The following ADCY3 variants were observed in gnomAD, a reference collection of about 807,000 sequenced individuals.
ADCY3 encodes adenylate cyclase 3.
Under a neutral mutation model 119.4 loss-of-function variants are expected in ADCY3, and 70 were observed. The observed-to-expected ratio is 0.59, with a 90% CI of 0.48 to 0.72. The LOEUF (loss-of-function observed/expected upper bound fraction) is 0.72. ADCY3 is among the 30% of genes least tolerant of loss of function. The pLI, the probability that ADCY3 is intolerant of heterozygous loss-of-function variation, is 0.00. For synonymous variants in ADCY3, 672 were observed against 621.4 expected (o/e 1.08, Z -1.21); for missense variants, 1,238 against 1,541.6 (o/e 0.80, Z 3.30).
chr2:24,830,044 C>CTTTTTTT (rs66894795), intron 13 of ADCY3, among the ~76,000 whole-genome samples: 1 of 132,736 alleles, frequency 7.5e-6, no homozygotes, highest in Non-Finnish European at 1.6e-5. Context: ...AGTGAATTAC[C>CTTTTTTT]TTTTTTTTTT....
chr2:24,858,533 T>C (rs1003366675), intron 3 of ADCY3, among the ~76,000 whole-genome samples: 1 of 152,144 alleles, frequency 6.6e-6, no homozygotes, highest in Admixed American at 6.5e-5. Context: ...AATAATCCAA[T>C]GAAAACACCA....
intron 2 of ADCY3, among the ~76,000 whole-genome samples, chr2:24,913,717 A>T (rs1664087724): frequency 6.6e-6 from 1 of 152,206 alleles, no homozygotes; most frequent in African/African-American, 2.4e-5. Context: ...AGCTCCCTCC[A>T]GCCCCTAGGA....
In ADCY3 at chr2:24,872,454, G is replaced by T; in HGVS notation, c.825+116C>A. 1 of 1,280,240 alleles carries T rather than the reference G, an allele frequency of 7.8e-7. No homozygotes were observed. The highest frequency in any genetic ancestry group is 1.1e-6 in the Non-Finnish European group (1 of 923,572). 79.3% of individuals were successfully genotyped at this position (1,280,240 alleles called of 1,614,324 possible). A position where few individuals can be genotyped will look rare whatever the true frequency, so the allele number is the denominator to read the frequency against. ...GTTCAGAAGCAAACACCTGAACAGG[G>T]TGGATGAACGCCAAGCCCCACGGAG... On this transcript the variant is annotated intron_variant, in intron 3 of 21. Transcript: ENST00000679454. This position sits in a 1 kb window ranked among gnomAD's most constrained non-coding sequence, Gnocchi z 4.4.
At chr2:24,869,676 T>A (rs749774809) in intron 3 of ADCY3, among the ~76,000 whole-genome samples, 1 of 152,116 alleles carries the variant, frequency 6.6e-6, no homozygotes, top group Non-Finnish European at 1.5e-5. Flanking sequence ...AAAGTGCTGA[T>A]ATTACAGGCA....
At position 24,919,080 on chromosome 2, in the gene ADCY3, G is replaced by T. The variant is rs1664810678; in HGVS notation, c.-93C>A. The T allele has an allele frequency of 7.5e-7, 1 of 1,325,954 alleles. No homozygotes were observed. Among genetic ancestry groups the T allele is most frequent in the East Asian group, 2.5e-5 (1 of 39,598 alleles). 82.1% of individuals were successfully genotyped at this position (1,325,954 alleles called of 1,614,324 possible). On this transcript the variant is annotated 5_prime_UTR_variant, in exon 2 of 22. Transcript: ENST00000679454. This position sits in a 1 kb window ranked among gnomAD's most constrained non-coding sequence, Gnocchi z 5.5. ...CCTCCTCTCAGGGCTCTCTGAGACC[G>T]GGGGAGGGCTGAGGGCCTCTTCTTG...
intron 6 of ADCY3, chr2:24,840,556 C>T (rs533274342): frequency 2.1e-5 from 10 of 468,666 alleles, no homozygotes; most frequent in Middle Eastern, 3.3e-4. Context: ...AAGCCGCCCC[C>T]TCGGAGAAGG....
intron 2 of ADCY3, among the ~76,000 whole-genome samples, chr2:24,901,714 G>A (rs76125319): frequency 0.061 from 9,283 of 151,252 alleles, 394 homozygotes; most frequent in Non-Finnish European, 0.092. Flanking sequence ...GGAGGTCAAG[G>A]TGGGAGGATC....
At chr2:24,837,516 A>G (rs1048946194) in intron 8 of ADCY3, among the ~76,000 whole-genome samples, 2 of 152,212 alleles carry the variant, frequency 1.3e-5, no homozygotes, top group African/African-American at 4.8e-5. Flanking sequence ...CAGCCTCACC[A>G]GAGTGGGCTT....
At chr2:24,846,901 T>A (rs931034746) in intron 3 of ADCY3, among the ~76,000 whole-genome samples, 2 of 152,196 alleles carry the variant, frequency 1.3e-5, no homozygotes, top group Non-Finnish European at 2.9e-5. Context: ...TTTTACAGGC[T>A]CATAGGCAGA....
At chr2:24,900,534 T>C (rs563856963) in intron 2 of ADCY3, among the ~76,000 whole-genome samples, 2 of 152,054 alleles carry the variant, frequency 1.3e-5, no homozygotes, top group African/African-American at 4.8e-5. Context: ...TGGACAAGGT[T>C]CTGTGAGCAG....
rs1664903152 is a variant in ADCY3 at position 24,919,903 on chromosome 2, A to C, written c.-418T>G. The C allele has an allele frequency of 6.7e-6, 1 of 150,084 alleles. No individual in the cohort carries two copies. Among genetic ancestry groups the C allele is most frequent in the African/African-American group, 2.4e-5 (1 of 41,076 alleles). 9.3% of individuals were successfully genotyped at this position (150,084 alleles called of 1,614,324 possible). Reference sequence around the variant, plus strand: ...TCCGCGGGCGCCCGGCCGCAGGGGGAAGGAGGAGGCGGCGACGAGGGCTGG... The same window carrying C: ...TCCGCGGGCGCCCGGCCGCAGGGGGCAGGAGGAGGCGGCGACGAGGGCTGG... On this transcript the variant is annotated 5_prime_UTR_variant, in exon 1 of 22. Transcript: ENST00000679454. The surrounding 1 kb of genome is among the most constrained non-coding windows in gnomAD (Gnocchi z 5.5).
At chr2:24,906,510 A>G (rs750445989) in intron 2 of ADCY3, among the ~76,000 whole-genome samples, 3 of 152,192 alleles carry the variant, frequency 2.0e-5, no homozygotes, top group Non-Finnish European at 4.4e-5. Flanking sequence ...AAAGGCACTG[A>G]AGGGTGAGGC....
Position 24,819,702 on chromosome 2 carries a change from G to T in ADCY3, c.*230C>A. 1 of 478,598 alleles carries T rather than the reference G, an allele frequency of 2.1e-6. No individual in the cohort carries two copies. The highest frequency in any genetic ancestry group is 3.7e-6 in the Non-Finnish European group (1 of 271,654). The allele number at this position is 478,598 out of a possible 1,614,324, so 29.6% of individuals were successfully genotyped here. ...GGGATTGGAACGAGGGCTCTGGAAG[G>T]ACTGTTCAGCCCTATGCCTAAGACC... On this transcript the variant is annotated 3_prime_UTR_variant, in exon 22 of 22. Coordinates refer to ENST00000679454, the MANE Select transcript of ADCY3 (RefSeq NM_004036.5).
chr2:24,865,349 G>C (rs932931205), intron 3 of ADCY3, among the ~76,000 whole-genome samples: 1 of 152,148 alleles, frequency 6.6e-6, no homozygotes, highest in African/African-American at 2.4e-5. Context: ...GGAGGCTGAG[G>C]TAGGAGAATC....
chr2:24,840,995 G>C (rs550545847), intron 6 of ADCY3, among the ~76,000 whole-genome samples: 2 of 152,368 alleles, frequency 1.3e-5, no homozygotes, highest in East Asian at 3.9e-4. Flanking sequence ...GGCAAAAAGA[G>C]AATACGTGGA....
intron 2 of ADCY3, among the ~76,000 whole-genome samples, chr2:24,903,820 T>C (rs1679175451): frequency 6.6e-6 from 1 of 152,132 alleles, no homozygotes; most frequent in African/African-American, 2.4e-5. Flanking sequence ...GCCTCAGGTG[T>C]TGTGCGTCAC....
intron 3 of ADCY3, among the ~76,000 whole-genome samples, chr2:24,846,964 A>G (rs1671726095): frequency 6.6e-6 from 1 of 152,196 alleles, no homozygotes. Context: ...GTTAATGCTG[A>G]AATGAGTTAA....
At chr2:24,829,913 T>C (rs1669230327) in intron 13 of ADCY3, among the ~76,000 whole-genome samples, 1 of 151,602 alleles carries the variant, frequency 6.6e-6, no homozygotes, top group South Asian at 2.1e-4. Context: ...TCCCAACTCC[T>C]GTCCCTTTTC....
chr2:24,834,943 G>C lies in ADCY3; in HGVS notation c.1663-7C>G. 1 of 1,612,538 alleles carries C rather than the reference G, an allele frequency of 6.2e-7. No individual in the cohort carries two copies. Among genetic ancestry groups the C allele is most frequent in the Non-Finnish European group, 8.5e-7 (1 of 1,179,612 alleles). On this transcript the variant is annotated splice_region_variant and splice_polypyrimidine_tract_variant and intron_variant, in intron 9 of 21. Coordinates refer to ENST00000679454, the MANE Select transcript of ADCY3 (RefSeq NM_004036.5). This position sits in a 1 kb window ranked among gnomAD's most constrained non-coding sequence, Gnocchi z 4.2. ...GGAATGAGGGGTTGTCGGCCTGTGA[G>C]CCAGGGAGGCAGCGTGAGTGGGGCA...
Sources: gnomAD v4.1 joint callset for allele counts (sites outside exome capture counted in the v4.1 genomes callset) on GRCh38, gnomAD v4.1.1 for gene constraint, Gnocchi (gnomAD v3.1) non-coding constraint, MANE v1.5 for transcripts, NCBI Gene and HGNC (gene_info 2026-07-23, HGNC 2026-07-21) for gene names.